Variants in WASHC5 observed in about 807,000 individuals in gnomAD.
WASHC5 encodes the protein WASH complex subunit 5.
In WASHC5, 101 loss-of-function variants were observed where a neutral mutation model predicts 150.4. The observed-to-expected ratio is 0.67, with a 90% CI of 0.57 to 0.79. WASHC5 has a LOEUF of 0.79. WASHC5 is among the 30% of genes least tolerant of loss of function. The pLI is 0.00. For synonymous variants in WASHC5, 467 were observed against 491.2 expected, an observed-to-expected ratio of 0.95 and a Z score of 0.65; for missense variants, 1,195 against 1,396.3, an observed-to-expected ratio of 0.86 and a Z score of 2.30.
At chr8:125,063,489 C>T (rs758950033) in intron 11 of WASHC5, 33 bp downstream of exon 11, 17 of 1,611,296 alleles carry the variant, frequency 1.1e-5, no homozygotes, top group Non-Finnish European at 1.4e-5. Flanking sequence ...GCACACATTC[C>T]AAACACACCA....
intron 20 of WASHC5, 125 bp downstream of exon 20, chr8:125,047,082 G>T: frequency 8.4e-7 from 1 of 1,186,944 alleles, no homozygotes; most frequent in Non-Finnish European, 1.2e-6. Flanking sequence ...TGCCCTAAAG[G>T]GTCAGAATAT....
chr8:125,034,882 C>T lies in WASHC5; in HGVS notation c.3181+2355G>A, dbSNP rs79474014. Among the ~76,000 whole-genome samples the T allele has an allele frequency of 3.0e-3, 450 of 152,308 alleles. 1 individual carries two copies. Among genetic ancestry groups the T allele is most frequent in the Non-Finnish European group, 5.5e-3 (375 of 68,022 alleles). On this transcript the variant is annotated intron_variant, in intron 26 of 28. Coordinates refer to ENST00000318410, the MANE Select transcript of WASHC5 (RefSeq NM_014846.4). Reference sequence around the variant, plus strand: ...CACTTCTACAACTAGCACTACACCACGAAGCTTCTTTCTTCAAACACAGAC... The same window carrying T: ...CACTTCTACAACTAGCACTACACCATGAAGCTTCTTTCTTCAAACACAGAC...
intron 25 of WASHC5, among the ~76,000 whole-genome samples, chr8:125,037,705 G>A (rs1399483952): frequency 1.3e-5 from 2 of 152,120 alleles, no homozygotes. Flanking sequence ...GAGTGTGGGA[G>A]AGAGAAGAGA....
intron 25 of WASHC5, among the ~76,000 whole-genome samples, chr8:125,037,807 G>C (rs138970229): frequency 3.5e-4 from 53 of 152,296 alleles, no homozygotes; most frequent in African/African-American, 1.3e-3. Context: ...AGTAGAAAGA[G>C]AGCAAAGTTC....
rs190920614 is a variant in WASHC5 at position 125,027,650 on chromosome 8, T to C, written c.3423+970A>G. 9.8e-5 allele frequency among the ~76,000 whole-genome samples: 15 copies of C among 152,286 alleles called. No homozygotes were observed. The East Asian group carries it at 1.3e-3, about 14-fold the overall frequency. On this transcript the variant is annotated intron_variant, in intron 28 of 28. Coordinates refer to ENST00000318410, the MANE Select transcript of WASHC5 (RefSeq NM_014846.4). ...TGGGAGGGGAGTGAGGATAAAATAC[T>C]ACAAATATGGTGCAGTGTATACTGC... is the stretch of plus-strand genomic sequence containing the variant.
At chr8:125,036,517 A>C (rs1815711799) in intron 26 of WASHC5, among the ~76,000 whole-genome samples, 1 of 152,044 alleles carries the variant, frequency 6.6e-6, no homozygotes, top group Non-Finnish European at 1.5e-5. Context: ...CAAAAAATAC[A>C]AAAAAATTAG....
intron 9 of WASHC5, among the ~76,000 whole-genome samples, chr8:125,069,640 G>A (rs1280416985): frequency 6.6e-6 from 1 of 152,142 alleles, no homozygotes; most frequent in Non-Finnish European, 1.5e-5. Flanking sequence ...TGATTTCTAA[G>A]TTACTCCATC....
chr8:125,028,758 C>A, intron 27 of WASHC5, 51 bp from the exon 28 acceptor site: 1 of 1,288,124 alleles, frequency 7.8e-7, no homozygotes, highest in South Asian at 1.2e-5. Context: ...CATCATAAGC[C>A]CTTTTGGTCA....
At chr8:125,055,497 A>T in intron 17 of WASHC5, 94 bp downstream of exon 17, 1 of 797,316 alleles carries the variant, frequency 1.3e-6, no homozygotes, top group Non-Finnish European at 2.3e-6. Context: ...CAGCCAGATG[A>T]TGTCACTCCC....
intron 12 of WASHC5, 152 bp downstream of exon 12, chr8:125,060,930 G>T: frequency 3.3e-6 from 2 of 599,388 alleles, no homozygotes; most frequent in Non-Finnish European, 6.2e-6. Flanking sequence ...CCAAATTTAG[G>T]ACAGTATACG....
intron 17 of WASHC5, 87 bp downstream of exon 17, chr8:125,055,504 T>A: frequency 2.5e-6 from 2 of 809,910 alleles, no homozygotes; most frequent in Non-Finnish European, 4.5e-6. Flanking sequence ...ATGATGTCAC[T>A]CCCTTTTGCA....
chr8:125,060,024 T>G (rs2130101484), intron 12 of WASHC5, among the ~76,000 whole-genome samples: 1 of 152,338 alleles, frequency 6.6e-6, no homozygotes, highest in South Asian at 2.1e-4. Context: ...TTTGGTAGAA[T>G]TATTTTACTG....
intron 12 of WASHC5, among the ~76,000 whole-genome samples, chr8:125,060,315 C>T (rs138310567): frequency 0.026 from 3,978 of 151,944 alleles, 180 homozygotes; most frequent in African/African-American, 0.092. Flanking sequence ...GGTGAAACCC[C>T]GTCTCTACTA....
At position 125,039,775 on chromosome 8, in the gene WASHC5, T is replaced by C. The variant is rs1397105333; in HGVS notation, c.2954+20A>G. 6.4e-7 allele frequency: 1 copy of C among 1,551,588 alleles called. No individual in the cohort carries two copies. The highest frequency in any genetic ancestry group is 2.2e-5 in the East Asian group (1 of 44,598). On this transcript the variant is annotated intron_variant, in intron 24 of 28. Transcript: ENST00000318410. ...AACAATCCAAGCCCACGGATGGCTG[T>C]TTCAAACCCTGGCACTTACTTATTG...
In WASHC5 at chr8:125,061,210, T is replaced by C; in HGVS notation, c.1409-16A>G. The C allele has an allele frequency of 7.5e-7, 1 of 1,330,048 alleles. No homozygotes were observed. Among genetic ancestry groups the C allele is most frequent in the Non-Finnish European group, 1.1e-6 (1 of 922,376 alleles). The allele number at this position is 1,330,048 out of a possible 1,614,324, so 82.4% of individuals were successfully genotyped here. ...TGAAGGTTTTCTAGTAATACAGAAA[T>C]AAGAAAATACTGAAATCCTCGAATT... On this transcript the variant is annotated splice_polypyrimidine_tract_variant and intron_variant, in intron 11 of 28. Transcript: ENST00000318410.
intron 10 of WASHC5, among the ~76,000 whole-genome samples, chr8:125,065,239 G>A (rs996884198): frequency 1.3e-5 from 2 of 152,226 alleles, no homozygotes; most frequent in Admixed American, 6.5e-5. Flanking sequence ...AGGATGGGAA[G>A]TAGGACAGAG....
intron 19 of WASHC5, among the ~76,000 whole-genome samples, chr8:125,048,120 G>T (rs922015597): frequency 1.3e-5 from 2 of 152,182 alleles, no homozygotes; most frequent in African/African-American, 2.4e-5. Context: ...AAAAGGTGAG[G>T]TGACAAACGA....
At chr8:125,073,677 A>C (rs1351923780) in intron 8 of WASHC5, among the ~76,000 whole-genome samples, 1 of 152,244 alleles carries the variant, frequency 6.6e-6, no homozygotes, top group African/African-American at 2.4e-5. Context: ...AAGATGAATA[A>C]CATATGGACT....
intron 20 of WASHC5, chr8:125,044,958 G>A: frequency 4.1e-6 from 2 of 483,014 alleles, no homozygotes; most frequent in South Asian, 2.1e-5. Flanking sequence ...TTGAGTTAGG[G>A]TGTTGACTTG....
Sources: allele counts gnomAD v4.1 joint callset (sites outside exome capture counted in the v4.1 genomes callset), GRCh38; gene constraint gnomAD v4.1.1; transcripts MANE v1.5; gene names NCBI Gene and HGNC (gene_info 2026-07-23, HGNC 2026-07-21).